The following VPS8 variants were observed in gnomAD, a reference collection of about 807,000 sequenced individuals.
VPS8 encodes vacuolar protein sorting-associated protein 8 homolog.
A neutral mutation model predicts 216.4 loss-of-function variants in VPS8; 129 were observed. The ratio of observed to expected loss-of-function variants is 0.60; its 90% CI spans 0.52 to 0.69. The LOEUF (loss-of-function observed/expected upper bound fraction) is 0.69, where lower values mean the gene tolerates loss of function less well. Among genes scored for constraint, VPS8 ranks in the 30% least tolerant of loss-of-function variants. The pLI, the probability that VPS8 is intolerant of heterozygous loss-of-function variation, is 0.00. For synonymous variants in VPS8, 571 were observed against 565.4 expected, an observed-to-expected ratio of 1.01 and a Z score of -0.14; for missense variants, 1,531 against 1,683.5, an observed-to-expected ratio of 0.91 and a Z score of 1.59.
intron 45 of VPS8, among the ~76,000 whole-genome samples, chr3:185,021,188 A>G (rs139777192): frequency 6.6e-6 from 1 of 152,256 alleles, no homozygotes; most frequent in Non-Finnish European, 1.5e-5. Context: ...CAAAAAGTTC[A>G]ACATTATTAA....
chr3:184,896,473 C>T (rs549022814), intron 23 of VPS8, among the ~76,000 whole-genome samples: 46 of 152,130 alleles, frequency 3.0e-4, no homozygotes, highest in Admixed American at 3.0e-3. Flanking sequence ...TCACTCCTCC[C>T]AGTCACAGCT....
intron 39 of VPS8, among the ~76,000 whole-genome samples, chr3:184,968,839 G>T (rs1044018775): frequency 2.0e-5 from 3 of 152,094 alleles, no homozygotes; most frequent in Non-Finnish European, 4.4e-5. Flanking sequence ...CTTGGTCCAC[G>T]CATTTCACTA....
At chr3:184,913,235 C>T (rs1736888073) in intron 25 of VPS8, among the ~76,000 whole-genome samples, 1 of 152,178 alleles carries the variant, frequency 6.6e-6, no homozygotes. Context: ...TGCCCTACAC[C>T]TTCCCTTGGC....
intron 21 of VPS8, among the ~76,000 whole-genome samples, chr3:184,876,468 G>A (rs1391119913): frequency 6.6e-6 from 1 of 151,960 alleles, no homozygotes; most frequent in African/African-American, 2.4e-5. Context: ...ACAAATCACT[G>A]CTTTACATTC....
intron 39 of VPS8, 35 bp from the exon 40 acceptor site, chr3:184,971,614 T>A: frequency 4.5e-6 from 7 of 1,540,876 alleles, no homozygotes; most frequent in South Asian, 3.5e-5. Flanking sequence ...CAGCAACATA[T>A]CCTTAAATGA....
chr3:184,983,416 A>T (rs1750538991), intron 42 of VPS8, among the ~76,000 whole-genome samples: 1 of 152,202 alleles, frequency 6.6e-6, no homozygotes, highest in South Asian at 2.1e-4. Flanking sequence ...TCAGCTGATT[A>T]TAATTTTTAG....
At chr3:184,955,890 G>A (rs972211872) in intron 36 of VPS8, among the ~76,000 whole-genome samples, 2 of 151,278 alleles carry the variant, frequency 1.3e-5, no homozygotes, top group Non-Finnish European at 2.9e-5. Flanking sequence ...AGTTGTGGGT[G>A]AGAACTAAGG....
At chr3:184,873,866 A>G (rs961456312) in intron 21 of VPS8, among the ~76,000 whole-genome samples, 1 of 152,186 alleles carries the variant, frequency 6.6e-6, no homozygotes, top group Non-Finnish European at 1.5e-5. Context: ...CTTTGCGTCA[A>G]TTTTCAAATA....
intron 16 of VPS8, among the ~76,000 whole-genome samples, chr3:184,865,632 T>C (rs1727199235): frequency 6.6e-6 from 1 of 152,174 alleles, no homozygotes; most frequent in South Asian, 2.1e-4. Flanking sequence ...GCCTCATACA[T>C]TGATGGTGGG....
At chr3:184,912,927 A>G (rs952774117) in intron 25 of VPS8, among the ~76,000 whole-genome samples, 1 of 152,118 alleles carries the variant, frequency 6.6e-6, no homozygotes, top group African/African-American at 2.4e-5. Flanking sequence ...TCCATTCTGT[A>G]TTGCCCTTGA....
At chr3:185,027,291 A>G (rs1757516044) in intron 46 of VPS8, among the ~76,000 whole-genome samples, 1 of 125,996 alleles carries the variant, frequency 7.9e-6, no homozygotes, top group Admixed American at 1.0e-4. Context: ...CGCCCAGGCT[A>G]GAGTGCAGCG....
rs1265026464 is a variant in VPS8 at position 184,940,222 on chromosome 3, T to A, written c.3014T>A (p.Leu1005Ter). The A allele has an allele frequency of 6.7e-7, 1 of 1,489,868 alleles. No individual in the cohort carries two copies. Among genetic ancestry groups the A allele is most frequent in the Non-Finnish European group, 9.0e-7 (1 of 1,111,770 alleles). 92.3% of individuals were successfully genotyped at this position (1,489,868 alleles called of 1,614,324 possible). ...AACCAGGTTTTGCTTTTCAAATTTT[T>A]GAGGAGTCTTCTTGACCCAAGGTAT... Reference protein sequence around the residue: ...LQNQVLLFKFLRSLLDPREGI... With the variant: ...LQNQVLLFKF Residue 1005 changes from leucine to a stop codon, truncating the protein, a stop_gained, in exon 36 of 48, where the codon TTG (leucine) becomes TAG (stop). Coordinates refer to ENST00000625842, the MANE Select transcript of VPS8 (RefSeq NM_001009921.3). LOFTEE classifies it high-confidence loss of function.
intron 45 of VPS8, among the ~76,000 whole-genome samples, chr3:185,023,572 T>A (rs1756944153): frequency 6.6e-6 from 1 of 152,064 alleles, no homozygotes; most frequent in African/African-American, 2.4e-5. Flanking sequence ...GGCAGGAGAA[T>A]CACTGAACCT....
intron 45 of VPS8, among the ~76,000 whole-genome samples, chr3:185,006,851 C>T (rs56213721): frequency 0.9 from 136,789 of 151,948 alleles, 62,653 homozygotes; most frequent in Non-Finnish European, 0.98. Flanking sequence ...AAATGCAGTC[C>T]TTTTGTTTCA....
intron 1 of VPS8, among the ~76,000 whole-genome samples, chr3:184,818,971 T>G (rs1716950543): frequency 6.6e-6 from 1 of 152,098 alleles, no homozygotes; most frequent in East Asian, 1.9e-4. Flanking sequence ...AGTTTAAGGC[T>G]AACCTGGGCG....
At position 184,824,737 on chromosome 3, in the gene VPS8, A is replaced by C; in HGVS notation, c.105A>C (p.Lys35Asn). 1 of 1,613,636 alleles carries C rather than the reference A, an allele frequency of 6.2e-7. No individual in the cohort carries two copies. The highest frequency in any genetic ancestry group is 8.5e-7 in the Non-Finnish European group (1 of 1,179,708). The change falls in exon 2 of 48, where the codon AAA becomes AAC. Residue 35 changes from lysine to asparagine, a missense_variant. By Grantham distance (94) the Lys-to-Asn change is moderately conservative. Around this residue, in one of 3 missense-constraint regions of VPS8, gnomAD observed 199 missense variants for 182.2 expected, o/e 1.09. Transcript: ENST00000625842. ...TCAATCTAGAAGCTTCACTTTCAAA[A>C]TTCTCTTACATAGATATGGACAAGG... ...KSFNLEASLS[K>N]FSYIDMDKEL...
chr3:184,836,207 G>A (rs770167617), intron 5 of VPS8: 14 of 453,380 alleles, frequency 3.1e-5, no homozygotes, highest in Non-Finnish European at 5.3e-5. Context: ...AGATGCTCAA[G>A]CAATAGAGGA....
intron 46 of VPS8, among the ~76,000 whole-genome samples, chr3:185,032,734 C>T (rs1367508374): frequency 6.6e-6 from 1 of 152,036 alleles, no homozygotes; most frequent in Non-Finnish European, 1.5e-5. Flanking sequence ...GGCGCAATCT[C>T]GGCTTACTGC....
At chr3:184,876,711 C>T (rs1729343740) in intron 21 of VPS8, among the ~76,000 whole-genome samples, 1 of 152,164 alleles carries the variant, frequency 6.6e-6, no homozygotes, top group Non-Finnish European at 1.5e-5. Flanking sequence ...TTACTTGTTC[C>T]TGGCTATTCT....
Sources: allele counts gnomAD v4.1 joint callset (sites outside exome capture counted in the v4.1 genomes callset), GRCh38; gene constraint gnomAD v4.1.1; regional missense constraint gnomAD v4.1.1; transcripts MANE v1.5; gene names NCBI Gene and HGNC (gene_info 2026-07-23, HGNC 2026-07-21).